The following GALNT13 variants were observed in gnomAD, a reference collection of about 807,000 sequenced individuals.
The protein encoded by GALNT13 is UDP-GalNAc:polypeptide N-acetylgalactosaminyltransferase 13.
GALNT13 carries 28 observed loss-of-function variants against 64.2 expected under a neutral mutation model. The ratio of observed to expected loss-of-function variants is 0.44; its 90% CI spans 0.32 to 0.60. The LOEUF is 0.60. Among genes scored for constraint, GALNT13 ranks in the 20% least tolerant of loss-of-function variants. The pLI is 0.05. For missense variants in GALNT13, 577 were observed against 669.8 expected (o/e 0.86, Z 1.53); for synonymous variants, 214 against 224.6 (o/e 0.95, Z 0.42).
chr2:153,717,271 G>A, the GALNT13 span, among the ~76,000 whole-genome samples: 8 of 152,212 alleles, frequency 5.3e-5, no homozygotes, highest in South Asian at 8.3e-4. Context: ...AAATAAAAGC[G>A]TGTATTAGCA....
chr2:153,258,374 C>CAA, the GALNT13 span, among the ~76,000 whole-genome samples: 1 of 144,596 alleles, frequency 6.9e-6, no homozygotes. Flanking sequence ...CTCCCAAAAA[C>CAA]AAAACAAAAC....
At chr2:153,668,095 G>A in the GALNT13 span, among the ~76,000 whole-genome samples, 1 of 152,060 alleles carries the variant, frequency 6.6e-6, no homozygotes, top group Non-Finnish European at 1.5e-5. Context: ...CAACACTGGG[G>A]CACTCAGATT....
the GALNT13 span, among the ~76,000 whole-genome samples, chr2:153,257,149 T>C: frequency 0.14 from 20,795 of 152,234 alleles, 1,692 homozygotes; most frequent in African/African-American, 0.23. Context: ...GGATATAATC[T>C]TGTGGTGCGC....
intron 3 of GALNT13, among the ~76,000 whole-genome samples, chr2:154,071,352 T>C (rs1238196639): frequency 9.2e-5 from 14 of 152,170 alleles, no homozygotes; most frequent in Non-Finnish European, 5.9e-5. Flanking sequence ...GGTCTTTGTG[T>C]TACAGCATGT....
chr2:153,452,461 G>A, the GALNT13 span, among the ~76,000 whole-genome samples: 1 of 151,746 alleles, frequency 6.6e-6, no homozygotes, highest in Non-Finnish European at 1.5e-5. Flanking sequence ...CTAGGAAACC[G>A]AGTGAGACTC....
Position 154,298,891 on chromosome 2 carries a change from TAC to T in GALNT13, c.976-2516_976-2515del, listed in dbSNP as rs1445113986. ...ATATACATTATATATTATTTATATA[TAC>T]ATTATATATTCATTAGAATCTTAAT... is the stretch of plus-strand genomic sequence containing the variant. On this transcript the variant is annotated intron_variant, in intron 8 of 12. Coordinates refer to ENST00000392825, the MANE Select transcript of GALNT13 (RefSeq NM_052917.4). Among the ~76,000 whole-genome samples the T allele has an allele frequency of 1.3e-3, 171 of 133,600 alleles. 4 individuals are homozygous for T. In the South Asian group the frequency reaches 0.036, roughly 28 times the overall value. The allele number at this position is 133,600 out of a possible 152,430, so 87.6% of individuals were successfully genotyped here.
intron 4 of GALNT13, among the ~76,000 whole-genome samples, chr2:154,168,743 T>C (rs921976980): frequency 1.3e-5 from 2 of 151,058 alleles, no homozygotes; most frequent in African/African-American, 4.9e-5. Flanking sequence ...CTCAGGAGGC[T>C]GAGGCAGGAG....
intron 7 of GALNT13, among the ~76,000 whole-genome samples, chr2:154,257,258 G>A (rs962173703): frequency 2.0e-5 from 3 of 151,996 alleles, no homozygotes; most frequent in East Asian, 1.9e-4. Flanking sequence ...ACTGTAAGCC[G>A]AAATTCAATA....
chr2:153,524,161 T>C, the GALNT13 span, among the ~76,000 whole-genome samples: 8 of 152,302 alleles, frequency 5.3e-5, no homozygotes, highest in South Asian at 1.5e-3. Flanking sequence ...TAATTCTCAC[T>C]TGATTGTGGT....
the GALNT13 span, among the ~76,000 whole-genome samples, chr2:153,440,077 T>G: frequency 0.013 from 2,006 of 152,240 alleles, 39 homozygotes; most frequent in African/African-American, 0.045. Context: ...ACATAGGTAT[T>G]TCTCCTAATG....
intron 9 of GALNT13, among the ~76,000 whole-genome samples, chr2:154,308,988 A>G (rs1053530221): frequency 1.3e-5 from 2 of 152,132 alleles, no homozygotes; most frequent in African/African-American, 4.8e-5. Context: ...TTTTTATAAT[A>G]AGGATACTGC....
the GALNT13 span, among the ~76,000 whole-genome samples, chr2:153,254,703 T>C: frequency 6.6e-6 from 1 of 152,212 alleles, no homozygotes; most frequent in Non-Finnish European, 1.5e-5. Flanking sequence ...AACATCTTTA[T>C]TTCTGCCTTC....
the GALNT13 span, among the ~76,000 whole-genome samples, chr2:153,405,317 C>G: frequency 6.6e-6 from 1 of 152,178 alleles, no homozygotes; most frequent in African/African-American, 2.4e-5. Flanking sequence ...AAAACTGGCA[C>G]CAGGACTTAA....
chr2:153,901,198 G>C (rs1688211466), intron 2 of GALNT13, among the ~76,000 whole-genome samples, 191 bp downstream of exon 2: 1 of 152,080 alleles, frequency 6.6e-6, no homozygotes. Flanking sequence ...GTCTCTTTTT[G>C]TATCAGTGCC....
At chr2:153,225,286 G>C in the GALNT13 span, among the ~76,000 whole-genome samples, 14,240 of 152,206 alleles carry the variant, frequency 0.094, 694 homozygotes, top group South Asian at 0.13. Context: ...ACTGATTTAT[G>C]ATTTAAAATT....
the GALNT13 span, among the ~76,000 whole-genome samples, chr2:153,788,082 G>A: frequency 6.6e-6 from 1 of 152,108 alleles, no homozygotes; most frequent in African/African-American, 2.4e-5. Flanking sequence ...TTCAGGAAAT[G>A]CAGAAAACCT....
At chr2:153,726,557 T>A in the GALNT13 span, among the ~76,000 whole-genome samples, 3 of 152,196 alleles carry the variant, frequency 2.0e-5, no homozygotes, top group African/African-American at 7.2e-5. Context: ...AACTTCTACC[T>A]GCTTATTTTC....
intron 4 of GALNT13, among the ~76,000 whole-genome samples, chr2:154,213,544 G>A (rs934070455): frequency 2.0e-5 from 3 of 150,172 alleles, no homozygotes; most frequent in African/African-American, 7.3e-5. Context: ...TAGCAGATTA[G>A]AAAATAAAAA....
chr2:153,913,024 C>A (rs1002795063), intron 2 of GALNT13, among the ~76,000 whole-genome samples: 1 of 152,086 alleles, frequency 6.6e-6, no homozygotes, highest in Non-Finnish European at 1.5e-5. Flanking sequence ...GACAGGGGTC[C>A]TCCACTGGCA....
Sources: gnomAD v4.1 joint callset for allele counts (sites outside exome capture counted in the v4.1 genomes callset) on GRCh38, gnomAD v4.1.1 for gene constraint, MANE v1.5 for transcripts, NCBI Gene and HGNC (gene_info 2026-07-23, HGNC 2026-07-21) for gene names.